The following RNF213 variants were observed in gnomAD, a reference collection of about 807,000 sequenced individuals.
RNF213 encodes ring finger protein 213.
In RNF213, 341 loss-of-function variants were observed where a neutral mutation model predicts 514.4. The ratio of observed to expected loss-of-function variants is 0.66; its 90% confidence interval spans 0.61 to 0.73. The LOEUF (loss-of-function observed/expected upper bound fraction) is 0.73, where lower values mean the gene tolerates loss of function less well. RNF213 is among the 30% of genes least tolerant of loss of function. The pLI is 0.00. For synonymous variants in RNF213, 2,655 were observed against 2,658.2 expected, an observed-to-expected ratio of 1.00 and a Z score of 0.04; for missense variants, 5,767 against 6,615.6, an observed-to-expected ratio of 0.87 and a Z score of 4.45.
chr17:80,288,899 A>G lies in RNF213; in HGVS notation c.933+144A>G, dbSNP rs1353373263. 8.5e-6 allele frequency: 12 copies of G among 1,413,340 alleles called. No homozygotes were observed. Among genetic ancestry groups the G allele is most frequent in the Non-Finnish European group, 1.2e-5 (12 of 1,027,850 alleles). 87.5% of individuals were successfully genotyped at this position (1,413,340 alleles called of 1,614,324 possible). A position where few individuals can be genotyped will look rare whatever the true frequency, so the allele number is the denominator to read the frequency against. On this transcript the variant is annotated intron_variant, in intron 5 of 67. Coordinates refer to ENST00000582970, the MANE Select transcript of RNF213 (RefSeq NM_001256071.3). This position sits in a 1 kb window ranked among gnomAD's most constrained non-coding sequence, Gnocchi z 4.9. The stretch of plus-strand genomic sequence containing the variant: ...AAGCTCTGGCCTTCGGGGTGCTCAC[A>G]TTCCAGCGGAGAGAGAGTCAGGAAA...
chr17:80,307,349 A>T lies in RNF213; in HGVS notation c.2501+148A>T, dbSNP rs1340637079. ...GGCCCACTTCTCTTCTCAGGTTATTAATATTGTCGTCTGTTTTTTTTTTTT... is the reference window on the plus strand; with the variant it reads ...GGCCCACTTCTCTTCTCAGGTTATTTATATTGTCGTCTGTTTTTTTTTTTT... On this transcript the variant is annotated intron_variant, in intron 13 of 67. Coordinates refer to ENST00000582970, the MANE Select transcript of RNF213 (RefSeq NM_001256071.3). 112 of 628,698 alleles carry T rather than the reference A, an allele frequency of 1.8e-4. 1 individual carries two copies. Among genetic ancestry groups the T allele is most frequent in the Non-Finnish European group, 3.9e-5 (14 of 355,062 alleles). The allele number at this position is 628,698 out of a possible 1,614,324, so 38.9% of individuals were successfully genotyped here. A position where few individuals can be genotyped will look rare whatever the true frequency, so the allele number is the denominator to read the frequency against.
intron 15 of RNF213, chr17:80,315,758 C>CTGG (rs2045905705): frequency 2.3e-5 from 2 of 86,078 alleles, no homozygotes; most frequent in African/African-American, 1.4e-4. Context: ...GTGGAGGTGA[C>CTGG]AGTGGTGATG....
intron 63 of RNF213, among the ~76,000 whole-genome samples, chr17:80,387,953 ATTTTT>A (rs35624579): frequency 6.2e-4 from 69 of 111,342 alleles, no homozygotes; most frequent in African/African-American, 2.2e-3. Flanking sequence ...GAGCCCATGG[ATTTTT>A]TTTTTTTTTT....
chr17:80,335,718 G>A (rs927465888), intron 22 of RNF213, among the ~76,000 whole-genome samples: 1 of 152,110 alleles, frequency 6.6e-6, no homozygotes, highest in Non-Finnish European at 1.5e-5. Context: ...GCTCACACCT[G>A]TAATCTCAGC....
chr17:80,278,998 CT>C, intron 3 of RNF213: 1 of 1,499,202 alleles, frequency 6.7e-7, no homozygotes, highest in Non-Finnish European at 8.9e-7. Flanking sequence ...ACTTCCGGCC[CT>C]TGAGTCCCTG....
At chr17:80,370,222 T>C (rs1347222982) in intron 46 of RNF213, among the ~76,000 whole-genome samples, 2 of 152,178 alleles carry the variant, frequency 1.3e-5, no homozygotes, top group African/African-American at 4.8e-5. Flanking sequence ...CTTAGAATCC[T>C]GCTCACCCTG....
chr17:80,286,078 G>C (rs1483968075), intron 3 of RNF213, among the ~76,000 whole-genome samples: 1 of 152,236 alleles, frequency 6.6e-6, no homozygotes, highest in Non-Finnish European at 1.5e-5. Flanking sequence ...TGCGCTGGGA[G>C]TGAGTCTCCT....
At chr17:80,338,958 T>A (rs372813392) in intron 25 of RNF213, among the ~76,000 whole-genome samples, 7 of 143,118 alleles carry the variant, frequency 4.9e-5, no homozygotes, top group African/African-American at 7.7e-5. Context: ...AAAAAAAAAT[T>A]AAAAAAAAAA....
chr17:80,303,093 G>A (rs184508863), intron 11 of RNF213, among the ~76,000 whole-genome samples: 3 of 152,308 alleles, frequency 2.0e-5, no homozygotes, highest in Admixed American at 6.5e-5. Flanking sequence ...TACTACTCAA[G>A]GCACAGCGTG....
Position 80,345,792 on chromosome 17 carries a change from T to G in RNF213, c.7457T>G (p.Phe2486Cys). Reference sequence around the variant, plus strand: ...CATCAGTTGGACACCATCTTGTTTTTTGATGAAGCCAACACAACGGAAGCT... The same window carrying G: ...CATCAGTTGGACACCATCTTGTTTTGTGATGAAGCCAACACAACGGAAGCT... The part of the protein sequence containing the change: ...DQHQLDTILF[F>C]DEANTTEAIS... Residue 2486 changes from phenylalanine (F) to cysteine (C), a missense_variant, in exon 29 of 68, where the codon TTT becomes TGT. Coordinates refer to ENST00000582970, the MANE Select transcript of RNF213 (RefSeq NM_001256071.3). The surrounding 1 kb of genome is among the most constrained non-coding windows in gnomAD (Gnocchi z 6.0). 1 of 1,614,186 alleles carries G rather than the reference T, an allele frequency of 6.2e-7. No individual in the cohort carries two copies. Among genetic ancestry groups the G allele is most frequent in the Non-Finnish European group, 8.5e-7 (1 of 1,180,038 alleles).
chr17:80,332,407 T>C lies in RNF213; in HGVS notation c.3919T>C (p.Phe1307Leu), dbSNP rs750036991. 9 of 1,537,102 alleles carry C rather than the reference T, an allele frequency of 5.9e-6. No homozygotes were observed. Among genetic ancestry groups the C allele is most frequent in the African/African-American group, 1.4e-5 (1 of 73,060 alleles). The part of the protein sequence containing the change: ...EVTLAEIDVI[F>L]KDFVNKYTDL... ...CACCCTTGCAGAGATTGATGTCATC[T>C]TCAAGGACTTTGTGAATAAATACAC... Residue 1307 changes from phenylalanine (F) to leucine (L), a missense_variant, in exon 21 of 68, where the codon TTC becomes CTC. By Grantham distance (22) the Phe-to-Leu change is conservative. Coordinates refer to ENST00000582970, the MANE Select transcript of RNF213 (RefSeq NM_001256071.3).
intron 14 of RNF213, among the ~76,000 whole-genome samples, chr17:80,312,670 C>T (rs1013311193): frequency 1.3e-5 from 2 of 152,232 alleles, no homozygotes; most frequent in African/African-American, 4.8e-5. Flanking sequence ...TGCAGGGCCC[C>T]TCTCTGGGGC....
At chr17:80,325,536 C>T (rs1382769908) in intron 18 of RNF213, among the ~76,000 whole-genome samples, 2 of 152,116 alleles carry the variant, frequency 1.3e-5, no homozygotes, top group African/African-American at 4.8e-5. Context: ...GGCAATGCGA[C>T]TTACCTAAGG....
chr17:80,329,656 C>G (rs2046362820), intron 20 of RNF213, among the ~76,000 whole-genome samples: 1 of 152,064 alleles, frequency 6.6e-6, no homozygotes, highest in African/African-American at 2.4e-5. Context: ...TAGCAAGACC[C>G]CATCTCTAAA....
chr17:80,262,503 G>T (rs776683985), intron 1 of RNF213, among the ~76,000 whole-genome samples: 6 of 152,128 alleles, frequency 3.9e-5, no homozygotes, highest in Non-Finnish European at 7.3e-5. Context: ...TGGCGAGGCC[G>T]CAGGCACTCC....
intron 44 of RNF213, among the ~76,000 whole-genome samples, chr17:80,368,354 GACA>G (rs1473293903): frequency 2.6e-5 from 4 of 151,310 alleles, no homozygotes; most frequent in African/African-American, 9.7e-5. Flanking sequence ...ACAGATTTCA[GACA>G]ACAAATTCAG....
At position 80,346,894 on chromosome 17, in the gene RNF213, C is replaced by G. The variant is rs1237408713; in HGVS notation, c.8559C>G (p.Pro2853=). 5.0e-6 allele frequency: 8 copies of G among 1,613,908 alleles called. No individual in the cohort carries two copies. The African/African-American group carries it at 8.0e-5, about 16-fold the overall frequency. Residue 2853 remains proline, a synonymous_variant, in exon 29 of 68, where the codon CCC becomes CCG. Coordinates refer to ENST00000582970, the MANE Select transcript of RNF213 (RefSeq NM_001256071.3). This position sits in a 1 kb window ranked among gnomAD's most constrained non-coding sequence, Gnocchi z 8.1. ...AGGTGGGGCTGGCGGAAGACTCACC[C>G]AAAATGCCCCTGAAGACTCTGCACC... ...LDEVGLAEDS[P]KMPLKTLHPL...
chr17:80,386,067 A>G (rs2080223769), intron 61 of RNF213, among the ~76,000 whole-genome samples, 183 bp from the exon 62 acceptor site: 3 of 152,268 alleles, frequency 2.0e-5, no homozygotes, highest in Admixed American at 6.5e-5. Context: ...CAGTCCCTAA[A>G]TATGGCATCA....
At chr17:80,370,812 G>A (rs1279322239) in intron 46 of RNF213, among the ~76,000 whole-genome samples, 1 of 152,216 alleles carries the variant, frequency 6.6e-6, no homozygotes, top group Non-Finnish European at 1.5e-5. Flanking sequence ...CCAGGGCTGG[G>A]CAGGCCTCTC....
Sources: gnomAD v4.1 joint callset for allele counts (sites outside exome capture counted in the v4.1 genomes callset) on GRCh38, gnomAD v4.1.1 for gene constraint, Gnocchi (gnomAD v3.1) non-coding constraint, MANE v1.5 for transcripts, NCBI Gene and HGNC (gene_info 2026-07-23, HGNC 2026-07-21) for gene names.